The following SPTA1 variants were observed in gnomAD, a reference collection of about 807,000 sequenced individuals.
SPTA1 encodes the protein spectrin alpha chain, erythrocytic 1.
SPTA1 carries 177 observed loss-of-function variants against 324.7 expected under a neutral mutation model. That is an observed-to-expected ratio of 0.55 (90% CI 0.48 to 0.62). The LOEUF (loss-of-function observed/expected upper bound fraction) is 0.62. Ranked by LOEUF, SPTA1 falls within the 20% of genes least tolerant of loss-of-function variation. The probability of loss-of-function intolerance (pLI) is 0.00; values close to 1 mark genes in which losing one functional copy is unlikely to be tolerated. For missense variants in SPTA1, 3,162 were observed against 2,883.6 expected (o/e 1.10, Z -2.21); for synonymous variants, 1,195 against 1,041.3 (o/e 1.15, Z -2.84).
In SPTA1 at chr1:158,642,929, C is replaced by G; in HGVS notation, c.4490G>C (p.Gly1497Ala). ...AQLIDERTKL[G>A]DYANLKQFYR... The stretch of plus-strand genomic sequence containing the variant: ...GAATTGTTTTAGGTTGGCATAGTCT[C>G]CAAGCTTTGTCCGCTCATCAATCAG... Residue 1497 changes from glycine to alanine, a missense_variant, in exon 32 of 52, where the codon GGA (glycine) becomes GCA (alanine). By Grantham distance (60) the Gly-to-Ala change is moderately conservative (BLOSUM62 0). Coordinates refer to ENST00000643759, the MANE Select transcript of SPTA1 (RefSeq NM_003126.4). 6.2e-7 allele frequency: 1 copy of G among 1,613,718 alleles called. No individual in the cohort carries two copies. The highest frequency in any genetic ancestry group is 1.1e-5 in the South Asian group (1 of 91,068).
chr1:158,648,580 G>T lies in SPTA1; in HGVS notation c.3643C>A (p.Leu1215Met). The T allele has an allele frequency of 1.2e-6, 2 of 1,613,996 alleles. No individual in the cohort carries two copies. The highest frequency in any genetic ancestry group is 1.7e-6 in the Non-Finnish European group (2 of 1,179,974). Residue 1215 changes from leucine (L) to methionine (M), a missense_variant, in exon 26 of 52, where the codon CTG (leucine) becomes ATG (methionine). Coordinates refer to ENST00000643759, the MANE Select transcript of SPTA1 (RefSeq NM_003126.4). Reference sequence around the variant, plus strand: ...CGCTGAAGAGCCTGAACACTGAACAGATCTGAGCCAGGGTCTGCAGCACTG... The same window carrying T: ...CGCTGAAGAGCCTGAACACTGAACATATCTGAGCCAGGGTCTGCAGCACTG... ...ALSAADPGSD[L>M]FSVQALQRRH...
intron 16 of SPTA1, 32 bp downstream of exon 16, chr1:158,666,284 G>A (rs189778672): frequency 6.2e-7 from 1 of 1,611,560 alleles, no homozygotes; most frequent in South Asian, 1.1e-5. Flanking sequence ...TACACCCATT[G>A]CTTATGGCTG....
chr1:158,663,781 G>C (rs928863858), intron 16 of SPTA1, among the ~76,000 whole-genome samples: 1 of 152,004 alleles, frequency 6.6e-6, no homozygotes, highest in Non-Finnish European at 1.5e-5. Context: ...AGGTTGATGG[G>C]TGCAGCAAAC....
At position 158,645,557 on chromosome 1, in the gene SPTA1, C is replaced by T. The variant is rs767809335; in HGVS notation, c.3934G>A (p.Val1312Ile). 2 of 1,613,984 alleles carry T rather than the reference C, an allele frequency of 1.2e-6. No individual in the cohort carries two copies. Among genetic ancestry groups the T allele is most frequent in the Admixed American group, 3.3e-5 (2 of 60,000 alleles). Residue 1312 changes from valine to isoleucine, a missense_variant, in exon 28 of 52, where the codon GTA becomes ATA. Coordinates refer to ENST00000643759, the MANE Select transcript of SPTA1 (RefSeq NM_003126.4). The stretch of plus-strand genomic sequence containing the variant: ...TCTTCGGCCAGCTCCTGTGATGATA[C>T]CATGCCACCAATGCTACTGATCCAG... ...QNWISSIGGMVSSQELAEDLT... is the reference protein window; with the variant it reads ...QNWISSIGGMISSQELAEDLT...
In SPTA1 at chr1:158,652,633, C is replaced by A. The variant is rs751284351; in HGVS notation, c.3209G>T (p.Arg1070Leu). 1.1e-5 allele frequency: 18 copies of A among 1,613,840 alleles called. No individual in the cohort carries two copies. The highest frequency in any genetic ancestry group is 1.5e-5 in the Non-Finnish European group (18 of 1,179,998). ...TAGACGACGTCTGCGTTCTTCTGCC[C>A]GATCCAAGAGGGAGCGGTATCTGGA... ...IENQYRSLLD[R>L]AEERRRRLLQ... Residue 1070 changes from arginine to leucine, a missense_variant, in exon 23 of 52, where the codon CGG (arginine) becomes CTG (leucine). Transcript: ENST00000643759.
At position 158,644,387 on chromosome 1, in the gene SPTA1, C is replaced by T. The variant is rs1434452403; in HGVS notation, c.4204G>A (p.Gly1402Arg). Residue 1402 changes from glycine to arginine, a missense_variant, in exon 30 of 52, where the codon GGG (glycine) becomes AGG (arginine). Transcript: ENST00000643759. ...CAGCTCTCAACTTGATCACAGTTCC[C>T]CTGGAACATCTATGAGGAATCAAAT... is the stretch of plus-strand genomic sequence containing the variant. ...DQCLELQMFQ[G>R]NCDQVESWMV... is the part of the protein sequence containing the mutation. 6.2e-7 allele frequency: 1 copy of T among 1,613,696 alleles called. No individual in the cohort carries two copies.
chr1:158,647,155 C>T (rs930989043), intron 27 of SPTA1, among the ~76,000 whole-genome samples: 2 of 151,918 alleles, frequency 1.3e-5, no homozygotes, highest in Non-Finnish European at 2.9e-5. Context: ...ATCTACAGTG[C>T]ATCATCTATT....
chr1:158,619,405 T>C (rs1571377785), intron 44 of SPTA1, 71 bp from the exon 45 acceptor site: 1 of 1,402,942 alleles, frequency 7.1e-7, no homozygotes, highest in African/African-American at 1.4e-5. Context: ...AATTGGTTTG[T>C]AGGCTTAACT....
intron 7 of SPTA1, 86 bp from the exon 8 acceptor site, chr1:158,676,381 A>G: frequency 1.2e-5 from 17 of 1,371,012 alleles, no homozygotes; most frequent in East Asian, 2.3e-5. Flanking sequence ...ATAAAAAATC[A>G]TATGAATAAT....
chr1:158,627,867 A>G (rs1038918571), intron 39 of SPTA1, 144 bp from the exon 40 acceptor site: 1 of 755,792 alleles, frequency 1.3e-6, no homozygotes, highest in Non-Finnish European at 2.3e-6. Flanking sequence ...TTTCTGGAAT[A>G]ACTATACTCA....
chr1:158,647,851 T>C (rs1475132357), intron 26 of SPTA1, 131 bp from the exon 27 acceptor site: 4 of 946,514 alleles, frequency 4.2e-6, no homozygotes, highest in African/African-American at 1.6e-5. Flanking sequence ...CATCATACTT[T>C]ACAAAATAAT....
chr1:158,684,466 T>C (rs1655030016), intron 2 of SPTA1, among the ~76,000 whole-genome samples: 1 of 152,130 alleles, frequency 6.6e-6, no homozygotes, highest in Non-Finnish European at 1.5e-5. Flanking sequence ...GTTGCTGTTT[T>C]GCCTGTAGGT....
At position 158,636,018 on chromosome 1, in the gene SPTA1, G is replaced by A. The variant is rs778595594; in HGVS notation, c.5327C>T (p.Ala1776Val). Reference sequence around the variant, plus strand: ...AGCAGCCTTGTCTTTCAGCTTCTCTGCCATATCCAGCACATTCTGAAGAAC... The same window carrying A: ...AGCAGCCTTGTCTTTCAGCTTCTCTACCATATCCAGCACATTCTGAAGAAC... ...EPAIQNVLDMAEKLKDKAAVG... is the reference protein window; with the variant it reads ...EPAIQNVLDMVEKLKDKAAVG... The change falls in exon 38 of 52, where the codon GCA (alanine) becomes GTA (valine). Residue 1776 changes from alanine to valine, a missense_variant. Coordinates refer to ENST00000643759, the MANE Select transcript of SPTA1 (RefSeq NM_003126.4). 7 of 1,613,956 alleles carry A rather than the reference G, an allele frequency of 4.3e-6. No individual in the cohort carries two copies. The highest frequency in any genetic ancestry group is 5.1e-6 in the Non-Finnish European group (6 of 1,180,010).
At chr1:158,679,470 G>A (rs138417610) in intron 5 of SPTA1, among the ~76,000 whole-genome samples, 5 of 152,082 alleles carry the variant, frequency 3.3e-5, no homozygotes, top group African/African-American at 1.2e-4. Context: ...CAGCACCTAG[G>A]CCTCAAGAAA....
intron 21 of SPTA1, among the ~76,000 whole-genome samples, chr1:158,654,402 C>T (rs1206091008): frequency 6.6e-6 from 1 of 152,174 alleles, no homozygotes; most frequent in Non-Finnish European, 1.5e-5. Context: ...ATGATTTTAA[C>T]TGCAACATTG....
At chr1:158,625,926 C>T (rs962408573) in intron 42 of SPTA1, among the ~76,000 whole-genome samples, 2 of 151,268 alleles carry the variant, frequency 1.3e-5, no homozygotes, top group African/African-American at 4.9e-5. Flanking sequence ...AATTAAAAAG[C>T]TGAATGTTGG....
chr1:158,655,486 A>G (rs1419256501), intron 20 of SPTA1, among the ~76,000 whole-genome samples: 3 of 152,104 alleles, frequency 2.0e-5, no homozygotes, highest in African/African-American at 7.2e-5. Context: ...AGAGCCCTCT[A>G]ATTTCATCTC....
chr1:158,684,650 A>G lies in SPTA1; in HGVS notation c.264+458T>C, dbSNP rs114036989. Among the ~76,000 whole-genome samples, 1,508 of 152,242 alleles carry G rather than the reference A, an allele frequency of 9.9e-3. 27 individuals carry two copies. Among genetic ancestry groups the G allele is most frequent in the African/African-American group, 0.034 (1,427 of 41,540 alleles). ...TCACTCCCACTACAATTAACCAGAT[A>G]TACACTTACATTACCATAATATTTG... On this transcript the variant is annotated intron_variant, in intron 2 of 51. Coordinates refer to ENST00000643759, the MANE Select transcript of SPTA1 (RefSeq NM_003126.4).
rs780942306 is a variant in SPTA1 at position 158,678,530 on chromosome 1, T to A, written c.683A>T (p.Asn228Ile). The A allele has an allele frequency of 3.7e-6, 6 of 1,613,136 alleles. No homozygotes were observed. Among genetic ancestry groups the A allele is most frequent in the Non-Finnish European group, 5.1e-6 (6 of 1,179,594 alleles). Residue 228 changes from asparagine (N) to isoleucine (I), a missense_variant, in exon 6 of 52, where the codon AAC becomes ATC. Asn to Ile is a moderately radical substitution (Grantham distance 149). Transcript: ENST00000643759. ...CTGAATTAAGGGTAGGTCAGGATGG[T>A]TTTCCTGTTGAAGGAAAACAACACT... ...NQYANECAEE[N>I]HPDLPLIQSK...
Sources: gnomAD v4.1 joint callset for allele counts (sites outside exome capture counted in the v4.1 genomes callset) on GRCh38, gnomAD v4.1.1 for gene constraint, MANE v1.5 for transcripts, NCBI Gene and HGNC (gene_info 2026-07-23, HGNC 2026-07-21) for gene names.